EFCAB5: variants seen among roughly 807,000 people sequenced by gnomAD.
EFCAB5 encodes EF-hand calcium-binding domain-containing protein 5.
EFCAB5 carries 131 observed loss-of-function variants against 167.9 expected under a neutral mutation model. The observed-to-expected ratio is 0.78, with a 90% CI of 0.68 to 0.90. The LOEUF (loss-of-function observed/expected upper bound fraction) is 0.90. Ranked by LOEUF, EFCAB5 falls within the 40% of genes least tolerant of loss-of-function variation. The pLI is 0.00. For synonymous variants in EFCAB5, 574 were observed against 602.8 expected (o/e 0.95, Z 0.70); for missense variants, 1,663 against 1,745.2 (o/e 0.95, Z 0.84).
intron 3 of EFCAB5, among the ~76,000 whole-genome samples, chr17:29,963,751 G>A (rs1413848769): frequency 6.6e-6 from 1 of 152,228 alleles, no homozygotes; most frequent in Non-Finnish European, 1.5e-5. Flanking sequence ...TGGTTTGAAT[G>A]TGTGTCCCTT....
intron 7 of EFCAB5, among the ~76,000 whole-genome samples, chr17:30,021,268 G>A (rs2069171707): frequency 1.3e-5 from 2 of 148,740 alleles, no homozygotes; most frequent in Non-Finnish European, 1.5e-5. Flanking sequence ...AGTACTATTA[G>A]GTATATATCA....
intron 18 of EFCAB5, 34 bp from the exon 19 acceptor site, chr17:30,087,029 A>G: frequency 6.3e-7 from 1 of 1,594,322 alleles, no homozygotes; most frequent in South Asian, 1.1e-5. Flanking sequence ...ATGAGGTCTA[A>G]TTACTCCTAA....
chr17:30,016,240 A>G (rs943442933), intron 7 of EFCAB5, among the ~76,000 whole-genome samples: 1 of 152,156 alleles, frequency 6.6e-6, no homozygotes, highest in South Asian at 2.1e-4. Flanking sequence ...CAAAAGTTTT[A>G]AATTTTTATG....
At chr17:29,933,470 T>TA (rs1445148552) in intron 1 of EFCAB5, among the ~76,000 whole-genome samples, 1 of 152,202 alleles carries the variant, frequency 6.6e-6, no homozygotes, top group African/African-American at 2.4e-5. Context: ...TATCTTCTAA[T>TA]AGAGTGAAGA....
rs1268504543 is a variant in EFCAB5 at position 30,053,680 on chromosome 17, C to T, written c.1726C>T (p.Gln576Ter). 2 of 1,613,944 alleles carry T rather than the reference C, an allele frequency of 1.2e-6. No homozygotes were observed. Among genetic ancestry groups the T allele is most frequent in the Non-Finnish European group, 8.5e-7 (1 of 1,179,870 alleles). Residue 576 changes from glutamine to a stop codon, truncating the protein, a stop_gained, in exon 10 of 23, where the codon CAA (glutamine) becomes TAA (stop). Coordinates refer to ENST00000394835, the MANE Select transcript of EFCAB5 (RefSeq NM_198529.4). LOFTEE classifies it high-confidence loss of function. ...QETHRESTTEQGQHKGSIEGQ... is the reference protein window; with the variant it reads ...QETHRESTTE ...AACACACAGAGAGTCAACTACAGAA[C>T]AAGGACAGCACAAAGGGTCAATAGA...
chr17:29,956,864 G>C (rs2067626571), intron 3 of EFCAB5, among the ~76,000 whole-genome samples: 1 of 152,108 alleles, frequency 6.6e-6, no homozygotes, highest in South Asian at 2.1e-4. Flanking sequence ...AGAGAGGTGG[G>C]CTGGGGAGAG....
chr17:30,078,809 G>T (rs1035655948), intron 15 of EFCAB5, among the ~76,000 whole-genome samples: 2 of 152,218 alleles, frequency 1.3e-5, no homozygotes, highest in Admixed American at 1.3e-4. Context: ...ACAATAGACA[G>T]ATTATGAACA....
At chr17:29,934,024 A>T (rs553621387) in intron 1 of EFCAB5, among the ~76,000 whole-genome samples, 1 of 152,364 alleles carries the variant, frequency 6.6e-6, no homozygotes, top group South Asian at 2.1e-4. Flanking sequence ...CATATTAAGG[A>T]TGACACTAAA....
At chr17:30,106,362 G>A (rs1272582912) in intron 22 of EFCAB5, among the ~76,000 whole-genome samples, 1 of 152,054 alleles carries the variant, frequency 6.6e-6, no homozygotes, top group East Asian at 1.9e-4. Context: ...CAGCAAACAT[G>A]TATTGGGTTA....
chr17:30,063,265 C>T (rs2070473656), intron 14 of EFCAB5, among the ~76,000 whole-genome samples: 1 of 152,202 alleles, frequency 6.6e-6, no homozygotes, highest in Non-Finnish European at 1.5e-5. Context: ...GGGTTACTTG[C>T]TGCCACCGTA....
chr17:29,979,136 G>A (rs1198662873), intron 4 of EFCAB5, among the ~76,000 whole-genome samples: 1 of 152,078 alleles, frequency 6.6e-6, no homozygotes, highest in Non-Finnish European at 1.5e-5. Context: ...TGGATCACGA[G>A]GTCAGGAGTT....
At chr17:29,985,650 T>C (rs1233020899) in intron 4 of EFCAB5, among the ~76,000 whole-genome samples, 1 of 152,214 alleles carries the variant, frequency 6.6e-6, no homozygotes, top group Non-Finnish European at 1.5e-5. Flanking sequence ...TGGCTAGTTA[T>C]CTGCAGCAGG....
chr17:30,071,493 A>G, intron 14 of EFCAB5, among the ~76,000 whole-genome samples: 1 of 151,684 alleles, frequency 6.6e-6, no homozygotes, highest in Non-Finnish European at 1.5e-5. Flanking sequence ...AAAAAGACAA[A>G]AAATAACAAA....
At chr17:29,996,845 G>T (rs2068554625) in intron 6 of EFCAB5, among the ~76,000 whole-genome samples, 1 of 151,890 alleles carries the variant, frequency 6.6e-6, no homozygotes, top group Admixed American at 6.6e-5. Flanking sequence ...ACCCTCCTGG[G>T]GTCATTCTCT....
At chr17:29,989,088 A>G (rs2068354042) in intron 4 of EFCAB5, among the ~76,000 whole-genome samples, 1 of 152,232 alleles carries the variant, frequency 6.6e-6, no homozygotes. Context: ...GTCGTATCCA[A>G]TTAATGTCCC....
At chr17:29,970,886 C>T (rs1444089772) in intron 4 of EFCAB5, among the ~76,000 whole-genome samples, 1 of 152,016 alleles carries the variant, frequency 6.6e-6, no homozygotes. Flanking sequence ...ACCAGCCTGG[C>T]CAACATGGCA....
At chr17:30,066,446 G>A (rs1005624881) in intron 14 of EFCAB5, among the ~76,000 whole-genome samples, 1 of 151,512 alleles carries the variant, frequency 6.6e-6, no homozygotes, top group Non-Finnish European at 1.5e-5. Flanking sequence ...GAGGTCCTAT[G>A]CCATCATAAA....
intron 1 of EFCAB5, among the ~76,000 whole-genome samples, chr17:29,931,355 G>A (rs888879707): frequency 2.0e-5 from 3 of 152,172 alleles, no homozygotes; most frequent in Non-Finnish European, 4.4e-5. Flanking sequence ...GCTCTTTCTG[G>A]CTGCTGTACG....
At chr17:30,013,227 C>A (rs1223168805) in intron 7 of EFCAB5, among the ~76,000 whole-genome samples, 1 of 152,158 alleles carries the variant, frequency 6.6e-6, no homozygotes, top group Non-Finnish European at 1.5e-5. Flanking sequence ...AGGATTTTCG[C>A]ATTGATGTTC....
Sources: allele counts gnomAD v4.1 joint callset (sites outside exome capture counted in the v4.1 genomes callset), GRCh38; gene constraint gnomAD v4.1.1; transcripts MANE v1.5; gene names NCBI Gene and HGNC (gene_info 2026-07-23, HGNC 2026-07-21).